PHIP: variants seen among roughly 807,000 people sequenced by gnomAD.
PHIP encodes the protein PH-interacting protein.
A neutral mutation model predicts 236.8 loss-of-function variants in PHIP; 54 were observed. The observed-to-expected ratio is 0.23, with a 90% confidence interval of 0.18 to 0.29. The LOEUF is 0.29. Among genes scored for constraint, PHIP ranks in the 10% least tolerant of loss-of-function variants. PHIP has a pLI of 1.00. For synonymous variants in PHIP, 756 were observed against 718.9 expected (o/e 1.05, Z -0.83); for missense variants, 1,370 against 2,190.8 (o/e 0.63, Z 7.48).
intron 32 of PHIP, chr6:78,957,295 A>G (rs1162826025): frequency 6.6e-6 from 1 of 152,040 alleles, no homozygotes; most frequent in African/African-American, 2.4e-5. Flanking sequence ...ACACATAGTT[A>G]TAACACTTAT....
At chr6:78,984,823 A>G (rs1768766279) in intron 22 of PHIP, among the ~76,000 whole-genome samples, 1 of 152,138 alleles carries the variant, frequency 6.6e-6, no homozygotes, top group Non-Finnish European at 1.5e-5. Context: ...GCCATCCCCA[A>G]AGGCTATACT....
intron 35 of PHIP, among the ~76,000 whole-genome samples, chr6:78,950,455 A>G (rs79963521): frequency 0.037 from 5,593 of 152,302 alleles, 103 homozygotes; most frequent in Middle Eastern, 0.058. Flanking sequence ...TGAATTCTCC[A>G]GTGAAGCCAT....
intron 35 of PHIP, among the ~76,000 whole-genome samples, chr6:78,949,489 G>A (rs542605314): frequency 6.6e-6 from 1 of 151,942 alleles, no homozygotes; most frequent in South Asian, 2.1e-4. Context: ...GTGCCCCAGG[G>A]CCCACTGGAA....
chr6:78,981,117 G>A (rs1768499453), intron 23 of PHIP, among the ~76,000 whole-genome samples: 1 of 151,840 alleles, frequency 6.6e-6, no homozygotes, highest in South Asian at 2.1e-4. Context: ...ACCATTAAGG[G>A]GTTAAGAATG....
At chr6:78,989,193 T>A (rs1769059964) in intron 20 of PHIP, among the ~76,000 whole-genome samples, 1 of 152,164 alleles carries the variant, frequency 6.6e-6, no homozygotes, top group Non-Finnish European at 1.5e-5. Flanking sequence ...TGTGGGAGAA[T>A]CCTGCTTTGG....
chr6:79,062,906 T>C (rs768751436), intron 4 of PHIP, among the ~76,000 whole-genome samples: 1 of 152,220 alleles, frequency 6.6e-6, no homozygotes, highest in Non-Finnish European at 1.5e-5. Context: ...TTCCATGACC[T>C]ATTTACACCA....
chr6:79,013,936 G>A (rs1388432120), intron 15 of PHIP, among the ~76,000 whole-genome samples: 2 of 151,266 alleles, frequency 1.3e-5, no homozygotes, highest in East Asian at 3.9e-4. Flanking sequence ...TAGAAAAGCA[G>A]AAAATATTTT....
intron 32 of PHIP, 22 bp downstream of exon 32, chr6:78,958,453 T>A (rs370112440): frequency 1.5e-4 from 199 of 1,331,856 alleles, no homozygotes; most frequent in Non-Finnish European, 2.1e-4. Flanking sequence ...CTATCATAAT[T>A]ACATATGAAA....
At position 78,988,223 on chromosome 6, in the gene PHIP, T is replaced by C. The variant is rs1259424958; in HGVS notation, c.2446A>G (p.Ser816Gly). 1.3e-6 allele frequency: 2 copies of C among 1,579,260 alleles called. No individual in the cohort carries two copies. The highest frequency in any genetic ancestry group is 1.8e-5 in the Admixed American group (1 of 54,116). Residue 816 changes from serine (S) to glycine (G), a missense_variant, in exon 21 of 40, where the codon AGT becomes GGT. Physicochemically the swap from Ser to Gly is moderately conservative, Grantham distance 56 (BLOSUM62 0). Transcript: ENST00000275034. ...TGATATCTTACATCTGAAGAACTAC[T>C]GCCATTTTCTATCTCTTCTGAGGGT... is the stretch of plus-strand genomic sequence containing the variant. ...PRPSEEIENG[S>G]SSSDEGEVVA...
chr6:78,981,868 A>G (rs1460308591), intron 23 of PHIP, among the ~76,000 whole-genome samples: 1 of 152,040 alleles, frequency 6.6e-6, no homozygotes, highest in East Asian at 1.9e-4. Context: ...TCTCTTTGGT[A>G]AAGCTTCCCC....
At chr6:78,947,271 G>C (rs1046088939) in intron 36 of PHIP, among the ~76,000 whole-genome samples, 1 of 152,154 alleles carries the variant, frequency 6.6e-6, no homozygotes, top group Non-Finnish European at 1.5e-5. Flanking sequence ...TGTCTGGTCA[G>C]AGTGTTAAAT....
Position 79,060,792 on chromosome 6 carries a change from A to T in PHIP, c.216T>A (p.Pro72=), listed in dbSNP as rs140397043. Residue 72 remains proline, a synonymous_variant, in exon 5 of 40, where the codon CCT becomes CCA. Transcript: ENST00000275034. ...GATGACATATTTGCAGCAAGTGATC[A>T]GGTGCTAAGTGTCTGTAATACTTCA... is the stretch of plus-strand genomic sequence containing the variant. ...NLVKYYRHLA[P]DHLLQICHRL... 2 of 1,611,670 alleles carry T rather than the reference A, an allele frequency of 1.2e-6. No individual in the cohort carries two copies. Among genetic ancestry groups the T allele is most frequent in the African/African-American group, 2.7e-5 (2 of 74,898 alleles).
At chr6:79,010,106 G>A (rs1770497109) in intron 15 of PHIP, among the ~76,000 whole-genome samples, 1 of 151,480 alleles carries the variant, frequency 6.6e-6, no homozygotes, top group Non-Finnish European at 1.5e-5. Context: ...AGAAAGGGAG[G>A]GTTGGGTGAG....
intron 9 of PHIP, among the ~76,000 whole-genome samples, chr6:79,022,705 C>T (rs755245619): frequency 6.6e-6 from 1 of 152,170 alleles, no homozygotes; most frequent in Non-Finnish European, 1.5e-5. Flanking sequence ...CTTCCTCCTA[C>T]CCAGAGACCT....
intron 6 of PHIP, among the ~76,000 whole-genome samples, chr6:79,045,689 T>A (rs1772450820): frequency 6.6e-6 from 1 of 152,166 alleles, no homozygotes; most frequent in Admixed American, 6.5e-5. Flanking sequence ...CTTGGATTAT[T>A]GGAAGTCCTT....
chr6:79,041,695 C>G (rs561594059), intron 7 of PHIP, among the ~76,000 whole-genome samples: 5 of 152,126 alleles, frequency 3.3e-5, no homozygotes, highest in Non-Finnish European at 7.4e-5. Context: ...GTAGGTATGT[C>G]AGGCACTTCA....
chr6:79,045,343 C>G (rs35594811), intron 6 of PHIP, among the ~76,000 whole-genome samples: 2 of 152,050 alleles, frequency 1.3e-5, no homozygotes, highest in Admixed American at 6.6e-5. Flanking sequence ...AAGGCTTGAC[C>G]ATATCAAATA....
intron 9 of PHIP, among the ~76,000 whole-genome samples, chr6:79,023,197 G>T (rs1214322480): frequency 6.6e-6 from 1 of 152,170 alleles, no homozygotes; most frequent in Non-Finnish European, 1.5e-5. Context: ...TCTCACCTCA[G>T]ACCCCTGAGT....
chr6:78,996,634 A>G (rs1486563892), intron 19 of PHIP, among the ~76,000 whole-genome samples: 2 of 152,228 alleles, frequency 1.3e-5, no homozygotes, highest in Admixed American at 1.3e-4. Context: ...TTTGGTGTGT[A>G]TTTAATTCTA....
Sources: allele counts gnomAD v4.1 joint callset (sites outside exome capture counted in the v4.1 genomes callset), GRCh38; gene constraint gnomAD v4.1.1; transcripts MANE v1.5; gene names NCBI Gene and HGNC (gene_info 2026-07-23, HGNC 2026-07-21).